Variants in MAF observed in about 807,000 individuals in gnomAD.
MAF encodes the protein transcription factor Maf.
MAF carries 10 observed loss-of-function variants against 22.0 expected under a neutral mutation model. The ratio of observed to expected loss-of-function variants is 0.45; its 90% CI spans 0.28 to 0.77. MAF has a LOEUF of 0.77. Among genes scored for constraint, MAF ranks in the 30% least tolerant of loss-of-function variants. The pLI is 0.12. For synonymous variants in MAF, 337 were observed against 255.8 expected, an observed-to-expected ratio of 1.32 and a Z score of -3.03; for missense variants, 544 against 548.4, an observed-to-expected ratio of 0.99 and a Z score of 0.08.
downstream of MAF, among the ~76,000 whole-genome samples, chr16:79,583,055 G>C (rs1472381616): frequency 6.6e-6 from 1 of 152,114 alleles, no homozygotes; most frequent in African/African-American, 2.4e-5. Flanking sequence ...TTTGGTTATG[G>C]CTTCTTTACT....
the MAF span, among the ~76,000 whole-genome samples, chr16:79,288,365 G>T: frequency 6.6e-6 from 1 of 152,070 alleles, no homozygotes; most frequent in Non-Finnish European, 1.5e-5. Flanking sequence ...ATCCTAAGCC[G>T]GTTACATAAG....
At chr16:79,485,708 C>T in the MAF span, among the ~76,000 whole-genome samples, 2 of 152,210 alleles carry the variant, frequency 1.3e-5, no homozygotes, top group Admixed American at 6.5e-5. Context: ...TGTGTCTTCT[C>T]TGAGCAGGAA....
At chr16:79,595,672 A>G (rs3826106) in intron 1 of MAF, 121,799 of 1,057,340 alleles carry the variant, frequency 0.12, 7,371 homozygotes, top group South Asian at 0.21. Context: ...TACACAGCCT[A>G]TTTTGGGGTA....
the MAF span, among the ~76,000 whole-genome samples, chr16:79,474,258 T>C: frequency 6.6e-6 from 1 of 152,206 alleles, no homozygotes; most frequent in Non-Finnish European, 1.5e-5. Flanking sequence ...CCTTAACGCA[T>C]TTTGTATTCG....
the MAF span, among the ~76,000 whole-genome samples, chr16:79,504,128 ACCTTCTG>A: frequency 1.3e-5 from 2 of 152,130 alleles, no homozygotes; most frequent in African/African-American, 4.8e-5. Flanking sequence ...GTGACTTTTC[ACCTTCTG>A]TTTGGGCCAT....
At chr16:79,212,989 A>C in the MAF span, 1 of 151,866 alleles carries the variant, frequency 6.6e-6, no homozygotes, top group African/African-American at 2.4e-5. Flanking sequence ...GAGTTATTTT[A>C]GTCCTCAATG....
chr16:79,470,214 A>G, the MAF span, among the ~76,000 whole-genome samples: 1 of 152,222 alleles, frequency 6.6e-6, no homozygotes, highest in Non-Finnish European at 1.5e-5. Flanking sequence ...GTTCTGAGGA[A>G]GTGGGAACTT....
chr16:79,418,308 G>A, the MAF span, among the ~76,000 whole-genome samples: 1 of 152,008 alleles, frequency 6.6e-6, no homozygotes, highest in Non-Finnish European at 1.5e-5. Context: ...TTCGGGCTGG[G>A]GCCTCACGGT....
the MAF span, among the ~76,000 whole-genome samples, chr16:79,396,817 G>A: frequency 2.0e-5 from 3 of 152,208 alleles, no homozygotes; most frequent in Non-Finnish European, 2.9e-5. Context: ...AGCTCCTAGG[G>A]TGATGTGAAT....
chr16:79,205,367 G>A, the MAF span: 124 of 152,344 alleles, frequency 8.1e-4, 1 homozygote, highest in African/African-American at 2.9e-3. Flanking sequence ...AAAGGAGCCT[G>A]AGGTTTTTCT....
chr16:79,560,467 A>C, the MAF span, among the ~76,000 whole-genome samples: 1 of 152,070 alleles, frequency 6.6e-6, no homozygotes, highest in Non-Finnish European at 1.5e-5. Flanking sequence ...AACTGTATGC[A>C]ATTGTGGAAG....
chr16:79,512,788 C>T, the MAF span, among the ~76,000 whole-genome samples: 1 of 152,190 alleles, frequency 6.6e-6, no homozygotes, highest in Non-Finnish European at 1.5e-5. Context: ...TGATTTCACT[C>T]TTCCAAGGGT....
At position 79,598,778 on chromosome 16, in the gene MAF, G is replaced by C. The variant is rs759490385; in HGVS notation, c.1118+7C>G. 2 of 1,613,834 alleles carry C rather than the reference G, an allele frequency of 1.2e-6. No homozygotes were observed. Among genetic ancestry groups the C allele is most frequent in the Admixed American group, 1.7e-5 (1 of 60,014 alleles). ...GGTGGCTAGCTGGAATCGCGTGTCA[G>C]ACTCACATGAAAAACTCGGGAGAGG... On this transcript the variant is annotated splice_region_variant and intron_variant, in intron 1 of 1. Transcript: ENST00000326043.
chr16:79,559,770 C>A, the MAF span, among the ~76,000 whole-genome samples: 3 of 152,182 alleles, frequency 2.0e-5, no homozygotes, highest in Non-Finnish European at 4.4e-5. Flanking sequence ...TTTCCCTCCT[C>A]TTGATTCTAT....
chr16:79,494,773 C>A, the MAF span, among the ~76,000 whole-genome samples: 4 of 152,124 alleles, frequency 2.6e-5, no homozygotes, highest in Non-Finnish European at 5.9e-5. Flanking sequence ...GGGCTCAGTC[C>A]CATGAGACTG....
At chr16:79,582,829 C>G (rs1194746408), downstream of MAF, among the ~76,000 whole-genome samples, 1 of 152,170 alleles carries the variant, frequency 6.6e-6, no homozygotes, top group Admixed American at 6.5e-5. Context: ...CATTCTCCTT[C>G]CCTTCTTGTG....
the MAF span, among the ~76,000 whole-genome samples, chr16:79,225,855 T>G: frequency 1.3e-5 from 2 of 152,048 alleles, no homozygotes; most frequent in South Asian, 4.1e-4. Context: ...GTTAGAATGG[T>G]GATCATTAAA....
At chr16:79,424,257 A>T in the MAF span, among the ~76,000 whole-genome samples, 3 of 152,238 alleles carry the variant, frequency 2.0e-5, no homozygotes, top group Non-Finnish European at 4.4e-5. Context: ...GATGTTGAAA[A>T]ATCATGCATT....
intron 1 of MAF, among the ~76,000 whole-genome samples, chr16:79,587,182 G>T (rs141773537): frequency 2.4e-4 from 36 of 152,198 alleles, no homozygotes; most frequent in African/African-American, 8.4e-4. Context: ...CCCTAAACAC[G>T]TTATATGCGT....
Sources: gnomAD v4.1 joint callset for allele counts (sites outside exome capture counted in the v4.1 genomes callset) on GRCh38, gnomAD v4.1.1 for gene constraint, MANE v1.5 for transcripts, NCBI Gene and HGNC (gene_info 2026-07-23, HGNC 2026-07-21) for gene names.